Variants in GDAP1 observed in about 807,000 individuals in gnomAD.
GDAP1 encodes ganglioside induced differentiation associated protein 1.
Under a neutral mutation model 40.1 loss-of-function variants are expected in GDAP1, and 34 were observed. The ratio of observed to expected loss-of-function variants is 0.85; its 90% confidence interval spans 0.64 to 1.13. The LOEUF (loss-of-function observed/expected upper bound fraction) is 1.13. GDAP1 is among the 50% of genes most tolerant of loss of function. The pLI is 0.00. For missense variants in GDAP1, 374 were observed against 433.7 expected (o/e 0.86, Z 1.22); for synonymous variants, 170 against 157.4 (o/e 1.08, Z -0.60).
chr8:74,412,074 A>G (rs1168906931), intron 2 of GDAP1, among the ~76,000 whole-genome samples: 1 of 149,898 alleles, frequency 6.7e-6, no homozygotes, highest in Non-Finnish European at 1.5e-5. Flanking sequence ...AAGTTGGGAC[A>G]TTTTCTTAGC....
In GDAP1 at chr8:74,401,305, A is replaced by G. The variant is rs185030027; in HGVS notation, c.165+49984A>G. Among the ~76,000 whole-genome samples the G allele has an allele frequency of 9.1e-3, 1,353 of 149,224 alleles. 25 individuals are homozygous for G. The highest frequency in any genetic ancestry group is 0.024 in the Middle Eastern group (7 of 292). ...CTTCTCACTTCATTTCATTCATTTC[A>G]TCTTCCATCACTGATACCCGTTCTT... On this transcript the variant is annotated intron_variant, in intron 2 of 2. Coordinates refer to the GDAP1 transcript ENST00000523640.
chr8:74,462,177 A>G (rs1374314876), intron 2 of GDAP1, among the ~76,000 whole-genome samples: 1 of 152,206 alleles, frequency 6.6e-6, no homozygotes, highest in African/African-American at 2.4e-5. Context: ...AACTATATAT[A>G]GTGACTCCTT....
At chr8:74,443,988 A>G (rs991675559) in intron 2 of GDAP1, among the ~76,000 whole-genome samples, 32 of 133,690 alleles carry the variant, frequency 2.4e-4, no homozygotes, top group South Asian at 5.0e-4. Flanking sequence ...CTGTCTATCT[A>G]TCTATCTATC....
In GDAP1 at chr8:74,451,943, T is replaced by TTTAATTTAAA. The variant is rs1806298738; in HGVS notation, c.166-36726_166-36725insATTAATTTAA. On this transcript the variant is annotated intron_variant, in intron 2 of 2. Coordinates refer to the GDAP1 transcript ENST00000523640. ...ATTTTCTTAATTTAATTTAATTTAA[T>TTTAATTTAAA]TTAATTTAATTTAATTTAATTTTTG... is the stretch of plus-strand genomic sequence containing the variant. Among the ~76,000 whole-genome samples the TTTAATTTAAA allele has an allele frequency of 2.7e-5, 2 of 75,358 alleles. 1 individual carries two copies. Among genetic ancestry groups the TTTAATTTAAA allele is most frequent in the Non-Finnish European group, 5.2e-5 (2 of 38,666 alleles). 49.4% of individuals were successfully genotyped at this position (75,358 alleles called of 152,430 possible).
chr8:74,487,850 G>A (rs1361018566), intron 2 of GDAP1, among the ~76,000 whole-genome samples: 1 of 152,080 alleles, frequency 6.6e-6, no homozygotes, highest in Non-Finnish European at 1.5e-5. Flanking sequence ...GAAGGATATG[G>A]ACCATAAATT....
chr8:74,352,701 A>G (rs964853816), intron 2 of GDAP1, among the ~76,000 whole-genome samples: 2 of 152,196 alleles, frequency 1.3e-5, no homozygotes, highest in African/African-American at 4.8e-5. Context: ...TTTATTTGCT[A>G]TTCCTTATAA....
At chr8:74,473,681 A>T (rs1307416244) in intron 2 of GDAP1, among the ~76,000 whole-genome samples, 1 of 151,942 alleles carries the variant, frequency 6.6e-6, no homozygotes, top group Non-Finnish European at 1.5e-5. Flanking sequence ...TTTTTGTACC[A>T]CTGCCATGCT....
At chr8:74,433,952 G>T (rs1205075477) in intron 2 of GDAP1, among the ~76,000 whole-genome samples, 2 of 152,210 alleles carry the variant, frequency 1.3e-5, no homozygotes, top group African/African-American at 4.8e-5. Flanking sequence ...CCATGGGGAA[G>T]GAAGGGATGA....
chr8:74,352,616 A>C (rs1277165535), intron 2 of GDAP1, among the ~76,000 whole-genome samples: 2 of 152,246 alleles, frequency 1.3e-5, no homozygotes, highest in African/African-American at 4.8e-5. Context: ...GTCCCCTAGG[A>C]TTGTGATTGG....
intron 3 of GDAP1, among the ~76,000 whole-genome samples, chr8:74,360,815 T>C (rs1809325381): frequency 6.6e-6 from 1 of 152,220 alleles, no homozygotes; most frequent in Non-Finnish European, 1.5e-5. Context: ...GCCTTCCTCC[T>C]GTCATGAGAA....
intron 2 of GDAP1, among the ~76,000 whole-genome samples, chr8:74,401,247 C>T (rs1469217696): frequency 1.3e-5 from 2 of 148,710 alleles, no homozygotes; most frequent in African/African-American, 2.6e-5. Flanking sequence ...AGGCTTTGTT[C>T]GTTTCTTTTC....
intron 2 of GDAP1, among the ~76,000 whole-genome samples, chr8:74,422,358 C>T (rs377372944): frequency 0.05 from 2,322 of 46,438 alleles, 100 homozygotes; most frequent in Middle Eastern, 0.11. Context: ...TCTTCCCTTC[C>T]TTCCTTCCTT....
intron 2 of GDAP1, among the ~76,000 whole-genome samples, chr8:74,357,242 C>T (rs1325920186): frequency 6.6e-6 from 1 of 152,138 alleles, no homozygotes; most frequent in African/African-American, 2.4e-5. Context: ...TTCTTGAAAA[C>T]AAGGCATAAT....
chr8:74,447,466 T>C (rs1464100269), intron 2 of GDAP1, among the ~76,000 whole-genome samples: 1 of 152,144 alleles, frequency 6.6e-6, no homozygotes, highest in African/African-American at 2.4e-5. Context: ...TCGGAAACTT[T>C]TTGAGTGCCG....
rs544136357 is a variant in GDAP1 at position 74,365,118 on chromosome 8, A to C, written c.*751A>C. 4.4e-6 allele frequency: 2 copies of C among 453,974 alleles called. No homozygotes were observed. Among genetic ancestry groups the C allele is most frequent in the African/African-American group, 4.0e-5 (2 of 49,990 alleles). 28.1% of individuals were successfully genotyped at this position (453,974 alleles called of 1,614,324 possible). ...GGCATCTGTAGCCCTCTTCATACACATAAGTGGCATTTAGGTGAATGTCCC... is the reference window on the plus strand; with the variant it reads ...GGCATCTGTAGCCCTCTTCATACACCTAAGTGGCATTTAGGTGAATGTCCC... On this transcript the variant is annotated 3_prime_UTR_variant, in exon 6 of 6. Coordinates refer to ENST00000220822, the MANE Select transcript of GDAP1 (RefSeq NM_018972.4).
intron 2 of GDAP1, among the ~76,000 whole-genome samples, chr8:74,371,959 C>T (rs190793273): frequency 7.2e-4 from 107 of 149,278 alleles, no homozygotes; most frequent in African/African-American, 2.6e-3. Context: ...TGATGTTCCC[C>T]TTCCTGTGTC....
rs1281493394 is a variant in GDAP1 at position 74,482,118 on chromosome 8, TTGGG to T, written c.166-6559_166-6556del. Among the ~76,000 whole-genome samples the T allele has an allele frequency of 8.2e-3, 968 of 117,574 alleles. 11 individuals are homozygous for T. Among genetic ancestry groups the T allele is most frequent in the African/African-American group, 0.039 (893 of 23,160 alleles). 77.1% of individuals were successfully genotyped at this position (117,574 alleles called of 152,430 possible). A position where few individuals can be genotyped will look rare whatever the true frequency, so the allele number is the denominator to read the frequency against. ...TCAAACCAAACTGAAGGGTTTTTTT[TTGGG>T]GGGGGGGGGTCATCTTTCTTCCAGG... is the stretch of plus-strand genomic sequence containing the variant. On this transcript the variant is annotated intron_variant, in intron 2 of 2. Coordinates refer to the GDAP1 transcript ENST00000523640.
intron 2 of GDAP1, among the ~76,000 whole-genome samples, chr8:74,486,398 C>T (rs1806776623): frequency 6.6e-6 from 1 of 152,200 alleles, no homozygotes; most frequent in Non-Finnish European, 1.5e-5. Flanking sequence ...AGGTTTCCTT[C>T]ACATGTCTAG....
At chr8:74,464,281 C>T (rs1475307490) in intron 2 of GDAP1, among the ~76,000 whole-genome samples, 1 of 152,188 alleles carries the variant, frequency 6.6e-6, no homozygotes, top group East Asian at 1.9e-4. Context: ...GTGTCAAATT[C>T]CGGGTTAATT....
Sources: allele counts gnomAD v4.1 joint callset (sites outside exome capture counted in the v4.1 genomes callset), GRCh38; gene constraint gnomAD v4.1.1; transcripts MANE v1.5; gene names NCBI Gene and HGNC (gene_info 2026-07-23, HGNC 2026-07-21).